The following TMED3 variants were observed in gnomAD, a reference collection of about 807,000 sequenced individuals.
TMED3 encodes the protein transmembrane emp24 domain-containing protein 3.
A neutral mutation model predicts 15.0 loss-of-function variants in TMED3; 9 were observed. The ratio of observed to expected loss-of-function variants is 0.60; its 90% confidence interval spans 0.36 to 1.04. The LOEUF (loss-of-function observed/expected upper bound fraction) is 1.04. Ranked by LOEUF, TMED3 falls within the 50% of genes least tolerant of loss-of-function variation. The pLI, the probability that TMED3 is intolerant of heterozygous loss-of-function variation, is 0.01. For missense variants in TMED3, 267 were observed against 278.9 expected (o/e 0.96, Z 0.30); for synonymous variants, 117 against 121.4 (o/e 0.96, Z 0.24).
At chr15:79,360,982 ACAACT>A (rs1893117511) in intron 2 of TMED3, among the ~76,000 whole-genome samples, 1 of 111,358 alleles carries the variant, frequency 9.0e-6, no homozygotes. Context: ...CCAAGCAGTT[ACAACT>A]ACAAGTGCAC....
rs1395035136 is a variant in TMED3, at chr15:79,311,177, C to A, written c.-73C>A. Reference sequence around the variant, plus strand: ...CCCTTACATCCTCCTAGGACCCGGTCGGTAGTCGTCGCCCCAGCCCGCCGG... The same window carrying A: ...CCCTTACATCCTCCTAGGACCCGGTAGGTAGTCGTCGCCCCAGCCCGCCGG... On this transcript the variant is annotated 5_prime_UTR_variant, in exon 1 of 3. Coordinates refer to ENST00000299705, the MANE Select transcript of TMED3 (RefSeq NM_007364.4). 2.0e-6 allele frequency: 3 copies of A among 1,484,568 alleles called. No homozygotes were observed. The highest frequency in any genetic ancestry group is 2.4e-4 in the Middle Eastern group (1 of 4,188). 92.0% of individuals were successfully genotyped at this position (1,484,568 alleles called of 1,614,324 possible).
At chr15:79,321,637 A>C in intron 2 of TMED3, among the ~76,000 whole-genome samples, 1 of 152,186 alleles carries the variant, frequency 6.6e-6, no homozygotes, top group East Asian at 1.9e-4. Flanking sequence ...TGTGTGGGAT[A>C]AGCCCTCGTT....
intron 2 of TMED3, among the ~76,000 whole-genome samples, chr15:79,331,542 CAA>C (rs71451761): frequency 0.25 from 21,842 of 89,148 alleles, 1,962 homozygotes; most frequent in South Asian, 0.36. Context: ...GCAAAAGAAG[CAA>C]AAAAAAAAAA....
chr15:79,321,300 C>T (rs968766425), intron 2 of TMED3, among the ~76,000 whole-genome samples: 7 of 152,174 alleles, frequency 4.6e-5, no homozygotes, highest in African/African-American at 1.4e-4. Context: ...CATTTTCAGA[C>T]TTCTGCCTAC....
At chr15:79,395,733 C>T (rs554607183) in intron 2 of TMED3, among the ~76,000 whole-genome samples, 19 of 152,192 alleles carry the variant, frequency 1.2e-4, no homozygotes, top group South Asian at 2.1e-4. Flanking sequence ...ATTATTGTTT[C>T]GTCTATTTCA....
At chr15:79,321,926 C>G in intron 2 of TMED3, 52 bp from the exon 3 acceptor site, 1 of 1,583,636 alleles carries the variant, frequency 6.3e-7, no homozygotes, top group Non-Finnish European at 8.6e-7. Context: ...TTTGCTGGAT[C>G]CCACATTTGT....
At chr15:79,395,123 G>GT (rs1372572097) in intron 2 of TMED3, among the ~76,000 whole-genome samples, 2 of 151,394 alleles carry the variant, frequency 1.3e-5, no homozygotes, top group Non-Finnish European at 2.9e-5. Context: ...TCCTGTTTTC[G>GT]TTTTTTTACT....
chr15:79,377,410 G>A lies in TMED3; in HGVS notation c.418-33990G>A, dbSNP rs192660804. ...GTACTTTTACAGTCTCTAATACAGTGTCTGAAGTATGGAGAGTATTCAATA... is the reference window on the plus strand; with the variant it reads ...GTACTTTTACAGTCTCTAATACAGTATCTGAAGTATGGAGAGTATTCAATA... On this transcript the variant is annotated intron_variant, in intron 2 of 2. Transcript: ENST00000424155. Among the ~76,000 whole-genome samples the A allele has an allele frequency of 1.4e-3, 217 of 152,104 alleles. 2 individuals carry two copies. The highest frequency in any genetic ancestry group is 2.1e-3 in the Non-Finnish European group (146 of 67,986).
At chr15:79,342,371 A>G (rs2058854744) in intron 2 of TMED3, among the ~76,000 whole-genome samples, 1 of 152,090 alleles carries the variant, frequency 6.6e-6, no homozygotes, top group Non-Finnish European at 1.5e-5. Context: ...CTATGTGAAC[A>G]GAAAGAAAAA....
chr15:79,403,807 G>A (rs1456933922), intron 2 of TMED3, among the ~76,000 whole-genome samples: 2 of 152,134 alleles, frequency 1.3e-5, no homozygotes, highest in Non-Finnish European at 2.9e-5. Flanking sequence ...CATATTTTGC[G>A]AGAAAGTCAT....
At chr15:79,315,667 C>T (rs1209134457) in intron 2 of TMED3, among the ~76,000 whole-genome samples, 2 of 152,158 alleles carry the variant, frequency 1.3e-5, no homozygotes, top group Non-Finnish European at 2.9e-5. Flanking sequence ...ATTTATGCTT[C>T]CCTTTTCTTA....
rs535017597 is a variant in TMED3 at position 79,402,818 on chromosome 15, G to A, written c.418-8582G>A. On this transcript the variant is annotated intron_variant, in intron 2 of 2. Coordinates refer to the TMED3 transcript ENST00000424155. ...AATAAAAATAAAAAAATAAAAAGGG[G>A]GGCCAAGGAATAGGAGGTAAAGCAT... is the stretch of plus-strand genomic sequence containing the variant. Among the ~76,000 whole-genome samples the A allele has an allele frequency of 4.0e-5, 6 of 151,802 alleles. No individual in the cohort carries two copies. In the East Asian group the frequency reaches 1.2e-3, roughly 30 times the overall value.
At chr15:79,339,772 TTGA>T (rs909216192) in intron 2 of TMED3, among the ~76,000 whole-genome samples, 50 of 151,578 alleles carry the variant, frequency 3.3e-4, no homozygotes, top group Non-Finnish European at 5.0e-4. Context: ...TATGGTGGTG[TTGA>T]TGGTGGTGAT....
chr15:79,404,019 C>G (rs1053995951), intron 2 of TMED3, among the ~76,000 whole-genome samples: 2 of 152,180 alleles, frequency 1.3e-5, no homozygotes, highest in African/African-American at 4.8e-5. Flanking sequence ...TTTCATTGTT[C>G]TGTATGTTGG....
At chr15:79,402,226 C>T (rs1893842967) in intron 2 of TMED3, among the ~76,000 whole-genome samples, 1 of 152,134 alleles carries the variant, frequency 6.6e-6, no homozygotes, top group African/African-American at 2.4e-5. Flanking sequence ...AGATGTCCAC[C>T]CATATACCAA....
At chr15:79,341,836 T>A (rs528720842) in intron 2 of TMED3, among the ~76,000 whole-genome samples, 3 of 152,274 alleles carry the variant, frequency 2.0e-5, no homozygotes, top group African/African-American at 7.2e-5. Flanking sequence ...GAGATATTTT[T>A]AGCTGTCACA....
chr15:79,358,306 A>G (rs1893053128), intron 2 of TMED3, among the ~76,000 whole-genome samples: 1 of 152,276 alleles, frequency 6.6e-6, no homozygotes, highest in Admixed American at 6.5e-5. Flanking sequence ...AGCACCTTCA[A>G]GTGTGACATC....
exon 3 of TMED3, chr15:79,411,716 C>T (rs1893983642): frequency 1.9e-6 from 1 of 514,544 alleles, no homozygotes; most frequent in East Asian, 3.3e-5. Flanking sequence ...ACTCCTTGAC[C>T]ACCACAGACA....
intron 2 of TMED3, among the ~76,000 whole-genome samples, chr15:79,330,204 G>A (rs934775125): frequency 1.2e-4 from 18 of 152,108 alleles, no homozygotes; most frequent in African/African-American, 4.1e-4. Flanking sequence ...AGAGCAATTA[G>A]GTAAGATAAA....
Sources: gnomAD v4.1 joint callset for allele counts (sites outside exome capture counted in the v4.1 genomes callset) on GRCh38, gnomAD v4.1.1 for gene constraint, MANE v1.5 for transcripts, NCBI Gene and HGNC (gene_info 2026-07-23, HGNC 2026-07-21) for gene names.